The following FARS2 variants were observed in gnomAD, a reference collection of about 807,000 sequenced individuals.
FARS2 encodes phenylalanine--tRNA ligase, mitochondrial.
A neutral mutation model predicts 46.4 loss-of-function variants in FARS2; 40 were observed. The observed-to-expected ratio is 0.86, with a 90% CI of 0.67 to 1.12. FARS2 has a LOEUF of 1.12. Among genes scored for constraint, FARS2 ranks in the 50% most tolerant of loss-of-function variants. FARS2 has a pLI of 0.00. For synonymous variants in FARS2, 234 were observed against 214.9 expected (o/e 1.09, Z -0.78); for missense variants, 513 against 567.9 (o/e 0.90, Z 0.98).
chr6:5,670,960 A>G (rs1205068252), intron 6 of FARS2, among the ~76,000 whole-genome samples: 1 of 152,124 alleles, frequency 6.6e-6, no homozygotes, highest in South Asian at 2.1e-4. Context: ...AGCAGTGTGC[A>G]GTCTATGCCT....
chr6:5,587,704 C>T (rs797001075), intron 5 of FARS2, among the ~76,000 whole-genome samples: 14 of 152,086 alleles, frequency 9.2e-5, no homozygotes, highest in African/African-American at 3.1e-4. Context: ...ATGAAAAATC[C>T]TTTTAAAGAG....
chr6:5,262,108 C>A (rs1431804855), intron 1 of FARS2, among the ~76,000 whole-genome samples: 3 of 152,206 alleles, frequency 2.0e-5, no homozygotes, highest in African/African-American at 7.2e-5. Context: ...TGCACTCAAG[C>A]ACAGCGAGAA....
intron 5 of FARS2, among the ~76,000 whole-genome samples, chr6:5,562,730 T>TCACACA (rs1561715180): frequency 1.2e-4 from 12 of 103,978 alleles, no homozygotes; most frequent in African/African-American, 4.8e-4. Context: ...ACACACACAG[T>TCACACA]GTTTTTCATT....
intron 5 of FARS2, among the ~76,000 whole-genome samples, chr6:5,561,885 G>A (rs1772004667): frequency 6.6e-6 from 1 of 151,960 alleles, no homozygotes; most frequent in Non-Finnish European, 1.5e-5. Flanking sequence ...CTTTCTACCA[G>A]TTTAATAATT....
chr6:5,398,904 C>A (rs1362652871), intron 2 of FARS2, among the ~76,000 whole-genome samples: 2 of 151,972 alleles, frequency 1.3e-5, no homozygotes, highest in Admixed American at 1.3e-4. Flanking sequence ...TTAACACATA[C>A]CTCTGTGGAA....
intron 2 of FARS2, among the ~76,000 whole-genome samples, chr6:5,396,588 AC>A (rs1429758390): frequency 6.6e-6 from 1 of 152,158 alleles, no homozygotes; most frequent in African/African-American, 2.4e-5. Flanking sequence ...GGCTAAAAAA[AC>A]CCCAACTAGA....
intron 4 of FARS2, among the ~76,000 whole-genome samples, chr6:5,432,833 T>C (rs1252543052): frequency 6.6e-6 from 1 of 151,892 alleles, no homozygotes; most frequent in East Asian, 1.9e-4. Context: ...GCTTGGAAAA[T>C]GAGGATGAGC....
chr6:5,758,011 T>C (rs1202459847), intron 6 of FARS2, among the ~76,000 whole-genome samples: 1 of 152,238 alleles, frequency 6.6e-6, no homozygotes, highest in Admixed American at 6.5e-5. Context: ...TTATGTTAGC[T>C]CTTCAGGTGA....
chr6:5,580,995 A>G (rs1773298221), intron 5 of FARS2, among the ~76,000 whole-genome samples: 1 of 152,240 alleles, frequency 6.6e-6, no homozygotes, highest in Non-Finnish European at 1.5e-5. Flanking sequence ...GTGTGCATGA[A>G]ATTAAGAATT....
chr6:5,507,917 G>A (rs1206979938), intron 4 of FARS2, among the ~76,000 whole-genome samples: 4 of 152,218 alleles, frequency 2.6e-5, no homozygotes, highest in South Asian at 2.1e-4. Flanking sequence ...CTTATGCCCC[G>A]AGGTAGGAGA....
At chr6:5,257,257 C>A (rs575239029), upstream of FARS2, among the ~76,000 whole-genome samples, 5 of 152,144 alleles carry the variant, frequency 3.3e-5, no homozygotes, top group Non-Finnish European at 7.3e-5. Flanking sequence ...CACCGCCCCC[C>A]CAACCCCATC....
chr6:5,260,187 G>C (rs1764940470), upstream of FARS2, among the ~76,000 whole-genome samples: 1 of 152,164 alleles, frequency 6.6e-6, no homozygotes, highest in South Asian at 2.1e-4. Context: ...ACGACACCTA[G>C]GAAATTTTAG....
intron 6 of FARS2, among the ~76,000 whole-genome samples, chr6:5,766,289 G>A (rs1006927605): frequency 3.9e-5 from 6 of 152,176 alleles, no homozygotes; most frequent in African/African-American, 1.4e-4. Flanking sequence ...TGCCCACCCC[G>A]GCCCCCATGC....
chr6:5,611,616 A>AT (rs1382053537), intron 5 of FARS2, among the ~76,000 whole-genome samples: 1 of 152,152 alleles, frequency 6.6e-6, no homozygotes, highest in Non-Finnish European at 1.5e-5. Flanking sequence ...AACTTTTTAT[A>AT]TTTTTTAGCT....
At chr6:5,394,874 C>T (rs532185508) in intron 2 of FARS2, among the ~76,000 whole-genome samples, 3 of 152,044 alleles carry the variant, frequency 2.0e-5, no homozygotes, top group Admixed American at 1.3e-4. Flanking sequence ...TTTTGCCATT[C>T]GAAGTGGTAC....
intron 1 of FARS2, among the ~76,000 whole-genome samples, chr6:5,322,098 A>G (rs1177407815): frequency 6.6e-6 from 1 of 152,236 alleles, no homozygotes; most frequent in African/African-American, 2.4e-5. Flanking sequence ...AATGGTGACC[A>G]AAAACAAACA....
chr6:5,284,240 T>C (rs1203792782), intron 1 of FARS2, among the ~76,000 whole-genome samples: 1 of 152,236 alleles, frequency 6.6e-6, no homozygotes, highest in African/African-American at 2.4e-5. Flanking sequence ...ATTCAGAGGT[T>C]GGACTTATAT....
At chr6:5,509,174 T>C (rs1473241020) in intron 4 of FARS2, among the ~76,000 whole-genome samples, 2 of 152,232 alleles carry the variant, frequency 1.3e-5, no homozygotes, top group Non-Finnish European at 2.9e-5. Context: ...AGGTAAAAGC[T>C]GTTAACCTTG....
chr6:5,518,693 A>G (rs1238811592), intron 4 of FARS2, among the ~76,000 whole-genome samples: 1 of 152,224 alleles, frequency 6.6e-6, no homozygotes, highest in Non-Finnish European at 1.5e-5. Flanking sequence ...TTGAAAGTAT[A>G]GTGTTTCTAT....
Sources: allele counts gnomAD v4.1 joint callset (sites outside exome capture counted in the v4.1 genomes callset), GRCh38; gene constraint gnomAD v4.1.1; transcripts MANE v1.5; gene names NCBI Gene and HGNC (gene_info 2026-07-23, HGNC 2026-07-21).